The following CD151 variants were observed in gnomAD, a reference collection of about 807,000 sequenced individuals.
The protein encoded by CD151 is CD151 antigen.
A neutral mutation model predicts 34.2 loss-of-function variants in CD151; 20 were observed. That is an observed-to-expected ratio of 0.58 (90% CI 0.41 to 0.85). The LOEUF (loss-of-function observed/expected upper bound fraction) is 0.85. CD151 is among the 40% of genes least tolerant of loss of function. CD151 has a pLI of 0.00. For missense variants in CD151, 306 were observed against 324.5 expected, an observed-to-expected ratio of 0.94 and a Z score of 0.44; for synonymous variants, 157 against 131.7, an observed-to-expected ratio of 1.19 and a Z score of -1.32.
At chr11:838,052 T>TCA (rs1846845579) in intron 8 of CD151, 24 bp downstream of exon 8, 1 of 1,610,630 alleles carries the variant, frequency 6.2e-7, no homozygotes, top group African/African-American at 1.3e-5. Flanking sequence ...GGGGTGGCGG[T>TCA]CATCTTGTTG....
rs1481712561 is a variant in CD151, at chr11:836,012, A to G, written c.-7-51A>G. Reference sequence around the variant, plus strand: ...CTGTGTCCCCTCCTATCCGTCTCCCAGTCAGGGGCCCGGTGCTGTGGCCCC... The same window carrying G: ...CTGTGTCCCCTCCTATCCGTCTCCCGGTCAGGGGCCCGGTGCTGTGGCCCC... On this transcript the variant is annotated intron_variant, in intron 2 of 8. Transcript: ENST00000397420. The G allele has an allele frequency of 6.4e-6, 7 of 1,101,080 alleles. No individual in the cohort carries two copies. In the South Asian group the frequency reaches 8.8e-5, roughly 14 times the overall value. The allele number at this position is 1,101,080 out of a possible 1,614,324, so 68.2% of individuals were successfully genotyped here.
Position 836,069 on chromosome 11 carries a change from G to A in CD151, c.-1G>A. 6.2e-7 allele frequency: 1 copy of A among 1,609,436 alleles called. No homozygotes were observed. The highest frequency in any genetic ancestry group is 8.5e-7 in the Non-Finnish European group (1 of 1,176,848). On this transcript the variant is annotated 5_prime_UTR_variant, in exon 3 of 9. Transcript: ENST00000397420. The stretch of plus-strand genomic sequence containing the variant: ...CCCTCCCCTGCCTCCTCAGCCCCAG[G>A]ATGGGTGAGTTCAACGAGAAGAAGA...
At chr11:833,153 C>T (rs1471308398) in intron 1 of CD151, 127 bp downstream of exon 1, 2 of 151,828 alleles carry the variant, frequency 1.3e-5, no homozygotes, top group Non-Finnish European at 2.9e-5. Context: ...GAGGCCCAGC[C>T]GCAGGCGCCG....
Position 837,347 on chromosome 11 carries a change from A to C in CD151, c.449A>C (p.Gln150Pro). 3.1e-6 allele frequency: 5 copies of C among 1,612,736 alleles called. No individual in the cohort carries two copies. Among genetic ancestry groups the C allele is most frequent in the Non-Finnish European group, 4.2e-6 (5 of 1,179,786 alleles). Residue 150 changes from glutamine to proline, a missense_variant, in exon 6 of 9, where the codon CAG (glutamine) becomes CCG (proline). Gln to Pro is a moderately conservative substitution (Grantham distance 76). Transcript: ENST00000397420. ...EAVTSAVDQL[Q>P]QEFHCCGSNN... ...GTGACCAGCGCTGTGGACCAGCTGC[A>C]GCAGGAGGTGGGTGGGTGGTGCTGG... is the stretch of plus-strand genomic sequence containing the variant.
rs369612101 is a variant in CD151 at position 835,813 on chromosome 11, A to G, written c.-7-250A>G. On this transcript the variant is annotated intron_variant, in intron 2 of 8. Coordinates refer to ENST00000397420, the MANE Select transcript of CD151 (RefSeq NM_004357.5). ...CGCCATTCTCCTGCCTCAGCCTCCC[A>G]AGTAGCTGGGACTACAGGCGCCCGC... is the stretch of plus-strand genomic sequence containing the variant. 786 of 425,812 alleles carry G rather than the reference A, an allele frequency of 1.8e-3. 5 individuals are homozygous for G. The highest frequency in any genetic ancestry group is 0.012 in the African/African-American group (595 of 49,592). 26.4% of individuals were successfully genotyped at this position (425,812 alleles called of 1,614,324 possible). A position where few individuals can be genotyped will look rare whatever the true frequency, so the allele number is the denominator to read the frequency against.
At chr11:835,709 A>G in intron 2 of CD151, 1 of 190,490 alleles carries the variant, frequency 5.2e-6, no homozygotes, top group Non-Finnish European at 1.1e-5. Context: ...TTATTTTGAG[A>G]TGGAGTCTCA....
rs1480066873 is a variant in CD151, at chr11:838,315, C to T, written c.*123C>T. On this transcript the variant is annotated 3_prime_UTR_variant, in exon 9 of 9. Transcript: ENST00000397420. ...CACCATAACCTCTGGGGACCCCAACCTCAGAGGCAGCTTCAAGTGCCTTTT... is the reference window on the plus strand; with the variant it reads ...CACCATAACCTCTGGGGACCCCAACTTCAGAGGCAGCTTCAAGTGCCTTTT... 1.3e-6 allele frequency: 1 copy of T among 789,220 alleles called. No individual in the cohort carries two copies. 48.9% of individuals were successfully genotyped at this position (789,220 alleles called of 1,614,324 possible).
intron 5 of CD151, 104 bp downstream of exon 5, chr11:836,947 C>T (rs924095086): frequency 2.0e-6 from 2 of 1,001,636 alleles, no homozygotes; most frequent in East Asian, 2.5e-5. Flanking sequence ...CCCCCATGGT[C>T]CCAGAGCTAA....
At chr11:833,123 C>T (rs1288574482) in intron 1 of CD151, 97 bp downstream of exon 1, 2 of 28,940 alleles carry the variant, frequency 6.9e-5, no homozygotes, top group South Asian at 6.4e-4. Context: ...GGGCCGAAGG[C>T]CCTGCGCGCC....
chr11:838,160 C>G lies in CD151; in HGVS notation c.730C>G (p.Leu244Val). ...QVFGMIFTCC[L>V]YRSLKLEHY is the part of the protein sequence containing the mutation. ...CTTTGGCATGATCTTCACGTGCTGC[C>G]TGTACAGGAGTCTCAAGCTGGAGCA... The change falls in exon 9 of 9, where the codon CTG (leucine) becomes GTG (valine). Residue 244 changes from leucine to valine, a missense_variant. Physicochemically the swap from Leu to Val is conservative, Grantham distance 32. Transcript: ENST00000397420. The G allele has an allele frequency of 6.2e-7, 1 of 1,613,282 alleles. No individual in the cohort carries two copies. The highest frequency in any genetic ancestry group is 8.5e-7 in the Non-Finnish European group (1 of 1,179,902).
Position 836,165 on chromosome 11 carries a change from T to C in CD151, c.84+12T>C. 1.9e-6 allele frequency: 3 copies of C among 1,604,002 alleles called. No individual in the cohort carries two copies. The highest frequency in any genetic ancestry group is 2.6e-6 in the Non-Finnish European group (3 of 1,172,646). ...ATTGCTGCTTCTGGGTGAGGAGGGG[T>C]CGCCTTGCCCCCACCCCCACCCCCA... is the stretch of plus-strand genomic sequence containing the variant. On this transcript the variant is annotated intron_variant, in intron 3 of 8. Transcript: ENST00000397420.
At position 836,835 on chromosome 11, in the gene CD151, T is replaced by C. The variant is rs1267651644; in HGVS notation, c.343T>C (p.Tyr115His). The C allele has an allele frequency of 5.6e-6, 9 of 1,612,468 alleles. No individual in the cohort carries two copies. The highest frequency in any genetic ancestry group is 2.2e-5 in the East Asian group (1 of 44,874). ...IIAGILAYAY[Y>H]QQLNTELKEN... ...CGCTGGTATCCTCGCCTACGCCTAC[T>C]ACCAGCAGGTGAGGGGCCTGGGCAG... Residue 115 changes from tyrosine to histidine, a missense_variant, in exon 5 of 9, where the codon TAC becomes CAC. Transcript: ENST00000397420.
Position 837,944 on chromosome 11 carries a change from C to T in CD151, c.618C>T (p.Gly206=), listed in dbSNP as rs780841918. Residue 206 remains glycine (G), a splice_region_variant and synonymous_variant, in exon 8 of 9, where the codon GGC becomes GGT. Coordinates refer to ENST00000397420, the MANE Select transcript of CD151 (RefSeq NM_004357.5). ...DHASNIYKVE[G]GCITKLETFI... is the part of the protein sequence containing the mutation. Reference sequence around the variant, plus strand: ...CAACACCCATCCGCGCCCCGCAGGGCGGCTGCATCACCAAGTTGGAGACCT... The same window carrying T: ...CAACACCCATCCGCGCCCCGCAGGGTGGCTGCATCACCAAGTTGGAGACCT... 7.4e-6 allele frequency: 12 copies of T among 1,611,124 alleles called. No individual in the cohort carries two copies. Among genetic ancestry groups the T allele is most frequent in the Middle Eastern group, 1.6e-4 (1 of 6,064 alleles).
At chr11:837,651 C>G (rs1846827295) in intron 7 of CD151, 33 bp downstream of exon 7, 2 of 1,556,488 alleles carry the variant, frequency 1.3e-6, no homozygotes, top group South Asian at 1.1e-5. Flanking sequence ...CCTCCAGTGT[C>G]TACGAGGTGG....
chr11:836,171 T>C lies in CD151; in HGVS notation c.84+18T>C, dbSNP rs768698548. On this transcript the variant is annotated intron_variant, in intron 3 of 8. Coordinates refer to ENST00000397420, the MANE Select transcript of CD151 (RefSeq NM_004357.5). The stretch of plus-strand genomic sequence containing the variant: ...GCTTCTGGGTGAGGAGGGGTCGCCT[T>C]GCCCCCACCCCCACCCCCACCCCTC... The C allele has an allele frequency of 3.2e-6, 5 of 1,563,420 alleles. No homozygotes were observed. In the South Asian group the frequency reaches 4.4e-5, roughly 14 times the overall value.
intron 5 of CD151, 157 bp from the exon 6 acceptor site, chr11:837,093 A>C: frequency 1.5e-6 from 1 of 682,346 alleles, no homozygotes; most frequent in Middle Eastern, 2.6e-4. Flanking sequence ...CGGTCCTGGC[A>C]CCACCCAACC....
intron 5 of CD151, 88 bp downstream of exon 5, chr11:836,931 C>CCCCCA: frequency 8.9e-7 from 1 of 1,128,242 alleles, no homozygotes; most frequent in Non-Finnish European, 1.3e-6. Context: ...CTAGCCCCAA[C>CCCCCA]CCCCACCCCC....
chr11:838,693 TG>T lies in CD151; in HGVS notation c.*502del. ...CCACCGCAGTCACCACCACCCGAAA[TG>T]CCACGTGGTCACTGTGCACTGCCCT... On this transcript the variant is annotated 3_prime_UTR_variant, in exon 9 of 9. Transcript: ENST00000397420. The T allele has an allele frequency of 1.0e-5, 2 of 199,962 alleles. No individual in the cohort carries two copies. The highest frequency in any genetic ancestry group is 2.1e-5 in the Non-Finnish European group (2 of 96,818). The allele number at this position is 199,962 out of a possible 1,614,324, so 12.4% of individuals were successfully genotyped here.
chr11:838,034 G>T lies in CD151; in HGVS notation c.702+6G>T, dbSNP rs1002331464. 12 of 1,612,150 alleles carry T rather than the reference G, an allele frequency of 7.4e-6. No individual in the cohort carries two copies. The Middle Eastern group carries it at 4.9e-4, about 66-fold the overall frequency. On this transcript the variant is annotated splice_donor_region_variant and intron_variant, in intron 8 of 8. Transcript: ENST00000397420. ...TCGGCATTGCCTGTGTGCAGGTGAG[G>T]GCACATGGGGGTGGCGGTCATCTTG... is the stretch of plus-strand genomic sequence containing the variant.
Sources: allele counts gnomAD v4.1 joint callset, GRCh38; gene constraint gnomAD v4.1.1; transcripts MANE v1.5; gene names NCBI Gene and HGNC (gene_info 2026-07-23, HGNC 2026-07-21).